The following COL5A2 variants were observed in gnomAD, a reference collection of about 807,000 sequenced individuals.
COL5A2 encodes collagen type V alpha 2 chain, also known as collagen alpha-2(V) chain.
Under a neutral mutation model 208.2 loss-of-function variants are expected in COL5A2, and 23 were observed. That is an observed-to-expected ratio of 0.11 (90% CI 0.08 to 0.16). The LOEUF (loss-of-function observed/expected upper bound fraction) is 0.16, where lower values mean the gene tolerates loss of function less well. COL5A2 is among the 10% of genes least tolerant of loss of function. The pLI is 1.00. For missense variants in COL5A2, 1,590 were observed against 1,956.4 expected (o/e 0.81, Z 3.53); for synonymous variants, 625 against 628.5 (o/e 0.99, Z 0.08).
the COL5A2 span, among the ~76,000 whole-genome samples, chr2:189,279,628 A>G: frequency 6.6e-6 from 1 of 151,970 alleles, no homozygotes; most frequent in East Asian, 1.9e-4. Context: ...TAAAAGTTAA[A>G]GATGTATTAT....
At chr2:189,377,598 A>G in the COL5A2 span, among the ~76,000 whole-genome samples, 1 of 152,176 alleles carries the variant, frequency 6.6e-6, no homozygotes, top group African/African-American at 2.4e-5. Context: ...AGTTATAACC[A>G]AGACCTCTTC....
intron 51 of COL5A2, among the ~76,000 whole-genome samples, chr2:189,037,027 A>T (rs73981490): frequency 1.3e-3 from 203 of 152,294 alleles, no homozygotes; most frequent in African/African-American, 4.7e-3. Context: ...TTAAGGCTCA[A>T]AACATCCATA....
At chr2:189,166,520 C>T (rs1171618046) in intron 1 of COL5A2, among the ~76,000 whole-genome samples, 1 of 152,112 alleles carries the variant, frequency 6.6e-6, no homozygotes, top group Non-Finnish European at 1.5e-5. Context: ...AACTCAAAAT[C>T]CCTCTTCAGA....
chr2:189,048,152 A>T (rs1685708606), intron 45 of COL5A2, 57 bp downstream of exon 45: 2 of 1,518,252 alleles, frequency 1.3e-6, no homozygotes, highest in African/African-American at 2.7e-5. Flanking sequence ...AGTGTAAATT[A>T]AAAAGATTTC....
chr2:189,082,992 A>G (rs1686569304), intron 12 of COL5A2, among the ~76,000 whole-genome samples: 1 of 152,134 alleles, frequency 6.6e-6, no homozygotes, highest in Non-Finnish European at 1.5e-5. Context: ...CCCTTAAAAG[A>G]TAAGGGAGCA....
intron 6 of COL5A2, among the ~76,000 whole-genome samples, chr2:189,094,224 A>G (rs1559101007): frequency 6.6e-6 from 1 of 152,216 alleles, no homozygotes; most frequent in Non-Finnish European, 1.5e-5. Context: ...ACTGTTGCAC[A>G]GATTAAGATT....
intron 1 of COL5A2, among the ~76,000 whole-genome samples, chr2:189,162,313 A>G (rs1296413911): frequency 6.6e-6 from 1 of 152,260 alleles, no homozygotes; most frequent in Non-Finnish European, 1.5e-5. Context: ...AAATTAATGA[A>G]TAAATGAAGG....
chr2:189,165,711 T>G (rs917611815), intron 1 of COL5A2, among the ~76,000 whole-genome samples: 1 of 152,170 alleles, frequency 6.6e-6, no homozygotes, highest in Non-Finnish European at 1.5e-5. Context: ...AAGATGTGAA[T>G]CCAAAGACCC....
chr2:189,417,610 C>T, the COL5A2 span, among the ~76,000 whole-genome samples: 1 of 151,792 alleles, frequency 6.6e-6, no homozygotes, highest in Non-Finnish European at 1.5e-5. Flanking sequence ...TATAACCTTC[C>T]CATTCAAGAA....
the COL5A2 span, among the ~76,000 whole-genome samples, chr2:189,269,722 G>T: frequency 6.6e-6 from 1 of 152,134 alleles, no homozygotes; most frequent in Non-Finnish European, 1.5e-5. Context: ...TCTCTGCCAG[G>T]TTTTAATATA....
chr2:189,069,065 T>C (rs1288301917), intron 18 of COL5A2, among the ~76,000 whole-genome samples, 181 bp from the exon 19 acceptor site: 2 of 152,188 alleles, frequency 1.3e-5, no homozygotes, highest in African/African-American at 2.4e-5. Context: ...CACTTCCTTC[T>C]TAAGGGATGA....
rs751984131 is a variant in COL5A2, at chr2:189,097,134, A to C, written c.456+143T>G. 13 of 740,430 alleles carry C rather than the reference A, an allele frequency of 1.8e-5. No individual in the cohort carries two copies. The South Asian group carries it at 1.9e-4, about 11-fold the overall frequency. 45.9% of individuals were successfully genotyped at this position (740,430 alleles called of 1,614,324 possible). On this transcript the variant is annotated intron_variant, in intron 6 of 53. Transcript: ENST00000374866. The stretch of plus-strand genomic sequence containing the variant: ...TATCATTTGTGTTATCTAATAAGAT[A>C]ATATACAATTATTATTGTATTTTTG...
intron 1 of COL5A2, among the ~76,000 whole-genome samples, chr2:189,125,040 A>G (rs1475716663): frequency 6.6e-6 from 1 of 152,184 alleles, no homozygotes; most frequent in East Asian, 1.9e-4. Context: ...AATAGCAATG[A>G]CTAAAAATTA....
At chr2:189,439,649 T>C in the COL5A2 span, among the ~76,000 whole-genome samples, 2 of 152,222 alleles carry the variant, frequency 1.3e-5, no homozygotes, top group Non-Finnish European at 2.9e-5. Flanking sequence ...TTAAAAATTA[T>C]GTAAAAAGAA....
chr2:189,087,741 A>C, intron 8 of COL5A2, among the ~76,000 whole-genome samples: 1 of 151,720 alleles, frequency 6.6e-6, no homozygotes, highest in East Asian at 1.9e-4. Context: ...TGCTGGGAGA[A>C]CAGGCGTGAG....
intron 1 of COL5A2, among the ~76,000 whole-genome samples, chr2:189,128,066 T>C (rs1453357918): frequency 6.6e-6 from 1 of 152,170 alleles, no homozygotes; most frequent in East Asian, 1.9e-4. Context: ...ACAAATCCAC[T>C]GCAGCAATTA....
the COL5A2 span, among the ~76,000 whole-genome samples, chr2:189,422,773 C>G: frequency 6.6e-6 from 1 of 152,114 alleles, no homozygotes; most frequent in Non-Finnish European, 1.5e-5. Context: ...ACCTGTAATT[C>G]CAGCATTTTG....
At chr2:189,320,715 G>A in the COL5A2 span, among the ~76,000 whole-genome samples, 2 of 152,228 alleles carry the variant, frequency 1.3e-5, no homozygotes, top group Non-Finnish European at 2.9e-5. Flanking sequence ...GTGATGGGGA[G>A]AATGGAACCA....
At chr2:189,214,177 A>G (rs13411992) in intron 1 of COL5A2, among the ~76,000 whole-genome samples, 22,503 of 152,044 alleles carry the variant, frequency 0.15, 2,846 homozygotes, top group African/African-American at 0.34. Flanking sequence ...TCATCTATTC[A>G]GCAATTCCAT....
Sources: allele counts gnomAD v4.1 joint callset (sites outside exome capture counted in the v4.1 genomes callset), GRCh38; gene constraint gnomAD v4.1.1; transcripts MANE v1.5; gene names NCBI Gene and HGNC (gene_info 2026-07-23, HGNC 2026-07-21).